ALG5: variants seen among roughly 807,000 people sequenced by gnomAD.
The protein encoded by ALG5 is ALG5 dolichyl-phosphate beta-glucosyltransferase.
ALG5 carries 26 observed loss-of-function variants against 51.8 expected under a neutral mutation model. The observed-to-expected ratio is 0.50, with a 90% confidence interval of 0.37 to 0.70. ALG5 has a LOEUF of 0.70. Among genes scored for constraint, ALG5 ranks in the 30% least tolerant of loss-of-function variants. ALG5 has a pLI of 0.00. For missense variants in ALG5, 311 were observed against 399.3 expected, an observed-to-expected ratio of 0.78 and a Z score of 1.88; for synonymous variants, 141 against 136.1, an observed-to-expected ratio of 1.04 and a Z score of -0.25.
At chr13:36,954,007 T>C (rs973265138) in intron 8 of ALG5, among the ~76,000 whole-genome samples, 1 of 151,898 alleles carries the variant, frequency 6.6e-6, no homozygotes, top group African/African-American at 2.4e-5. Flanking sequence ...ACTTATCAAA[T>C]ACACAAAACA....
intron 5 of ALG5, 40 bp downstream of exon 5, chr13:36,989,444 C>A (rs925559495): frequency 6.8e-7 from 1 of 1,476,024 alleles, no homozygotes; most frequent in Non-Finnish European, 9.4e-7. Flanking sequence ...ATTCAAGATA[C>A]CTTCATATTT....
chr13:36,975,081 T>A (rs972014592), intron 6 of ALG5, among the ~76,000 whole-genome samples: 1 of 152,126 alleles, frequency 6.6e-6, no homozygotes, highest in Non-Finnish European at 1.5e-5. Context: ...CGTGGTGGCA[T>A]GCGCCTGTAG....
intron 6 of ALG5, among the ~76,000 whole-genome samples, chr13:36,972,866 C>T (rs1384702828): frequency 6.6e-6 from 1 of 151,788 alleles, no homozygotes; most frequent in Non-Finnish European, 1.5e-5. Context: ...GTGGCGGGCG[C>T]CTGTAATCCC....
intron 6 of ALG5, among the ~76,000 whole-genome samples, chr13:36,982,361 G>A (rs1343825046): frequency 6.6e-6 from 1 of 152,166 alleles, no homozygotes; most frequent in South Asian, 2.1e-4. Flanking sequence ...AGTAGAGGCT[G>A]AAAGATCACT....
At chr13:36,959,924 G>A (rs2058858207) in intron 8 of ALG5, among the ~76,000 whole-genome samples, 1 of 151,854 alleles carries the variant, frequency 6.6e-6, no homozygotes, top group Non-Finnish European at 1.5e-5. Flanking sequence ...AAAGACATGA[G>A]CTGACTGAGA....
chr13:36,992,296 C>G (rs1447490889), intron 4 of ALG5, among the ~76,000 whole-genome samples: 1 of 152,160 alleles, frequency 6.6e-6, no homozygotes, highest in African/African-American at 2.4e-5. Context: ...AGTCAGAACT[C>G]TCGACTTCTG....
At chr13:36,983,792 C>CAA (rs138658549) in intron 6 of ALG5, among the ~76,000 whole-genome samples, 1 of 150,534 alleles carries the variant, frequency 6.6e-6, no homozygotes, top group African/African-American at 2.4e-5. Context: ...TAGAAAAAAA[C>CAA]AAAAAAAACA....
At chr13:36,961,367 T>C (rs2058866013) in intron 8 of ALG5, among the ~76,000 whole-genome samples, 1 of 152,260 alleles carries the variant, frequency 6.6e-6, no homozygotes, top group South Asian at 2.1e-4. Flanking sequence ...GTGAGCCATG[T>C]TCACTCCAGC....
At chr13:36,975,897 T>C (rs1319392651) in intron 6 of ALG5, among the ~76,000 whole-genome samples, 2 of 151,722 alleles carry the variant, frequency 1.3e-5, no homozygotes, top group East Asian at 1.9e-4. Context: ...AGCGTGCCCC[T>C]GTAGTCCCAG....
chr13:36,957,091 C>G (rs895861251), intron 8 of ALG5, among the ~76,000 whole-genome samples: 48 of 151,924 alleles, frequency 3.2e-4, no homozygotes, highest in African/African-American at 1.1e-3. Context: ...AGACCTTTCA[C>G]TTAGGCATTG....
chr13:36,966,444 T>A (rs987686259), intron 7 of ALG5, among the ~76,000 whole-genome samples: 1 of 152,242 alleles, frequency 6.6e-6, no homozygotes, highest in African/African-American at 2.4e-5. Context: ...ATAAGATTAT[T>A]ATCACTGGAT....
chr13:36,964,259 TA>T (rs1394974896), intron 8 of ALG5, among the ~76,000 whole-genome samples: 1 of 152,018 alleles, frequency 6.6e-6, no homozygotes, highest in African/African-American at 2.4e-5. Context: ...GGGGCCAGAC[TA>T]AAGACCATGG....
intron 6 of ALG5, among the ~76,000 whole-genome samples, chr13:36,979,399 T>A (rs886662163): frequency 4.6e-5 from 7 of 152,288 alleles, no homozygotes; most frequent in African/African-American, 1.7e-4. Context: ...TCTACCCATA[T>A]ATTGAGAGGG....
At position 36,954,424 on chromosome 13, in the gene ALG5, T is replaced by C. The variant is rs572116245; in HGVS notation, c.774-1825A>G. Among the ~76,000 whole-genome samples, 39 of 152,242 alleles carry C rather than the reference T, an allele frequency of 2.6e-4. 1 individual carries two copies. Among genetic ancestry groups the C allele is most frequent in the African/African-American group, 9.4e-4 (39 of 41,542 alleles). On this transcript the variant is annotated intron_variant, in intron 8 of 9. Coordinates refer to ENST00000239891, the MANE Select transcript of ALG5 (RefSeq NM_013338.5). Reference sequence around the variant, plus strand: ...ATCCCAGGTCTTGAACTCCTGGGCTTAAATGATCCGCCTGGCTTGACCTCC... The same window carrying C: ...ATCCCAGGTCTTGAACTCCTGGGCTCAAATGATCCGCCTGGCTTGACCTCC...
intron 8 of ALG5, among the ~76,000 whole-genome samples, chr13:36,957,982 C>T (rs1315943459): frequency 6.6e-6 from 1 of 152,092 alleles, no homozygotes; most frequent in South Asian, 2.1e-4. Flanking sequence ...GTCTTGGATA[C>T]ATCACACTTG....
At chr13:36,967,966 T>A (rs2058902944) in intron 7 of ALG5, 1 of 340,784 alleles carries the variant, frequency 2.9e-6, no homozygotes, top group African/African-American at 2.1e-5. Flanking sequence ...CTGGCTTGGA[T>A]GTTAATAACA....
chr13:36,985,713 T>A lies in ALG5; in HGVS notation c.475A>T (p.Ile159Phe). ...MGIFSSRGEKILMADADGATK... is the reference protein window; with the variant it reads ...MGIFSSRGEKFLMADADGATK... ...GCTCCATCAGCATCTGCCATAAGGATCTTTTCTCCTCGAGAACTGAATATA... is the reference window on the plus strand; with the variant it reads ...GCTCCATCAGCATCTGCCATAAGGAACTTTTCTCCTCGAGAACTGAATATA... Residue 159 changes from isoleucine to phenylalanine, a missense_variant, in exon 6 of 10, where the codon ATC becomes TTC. Coordinates refer to ENST00000239891, the MANE Select transcript of ALG5 (RefSeq NM_013338.5). 4 of 1,613,428 alleles carry A rather than the reference T, an allele frequency of 2.5e-6. No homozygotes were observed. The highest frequency in any genetic ancestry group is 3.4e-6 in the Non-Finnish European group (4 of 1,179,800).
chr13:36,985,064 C>T (rs2058996114), intron 6 of ALG5, among the ~76,000 whole-genome samples: 1 of 151,446 alleles, frequency 6.6e-6, no homozygotes, highest in Non-Finnish European at 1.5e-5. Context: ...TTCATTTTTT[C>T]CAGATTGGGA....
intron 7 of ALG5, chr13:36,968,193 G>A (rs2058904186): frequency 6.4e-6 from 1 of 157,342 alleles, no homozygotes; most frequent in African/African-American, 2.4e-5. Flanking sequence ...TTAGTTAAGT[G>A]AAGCTACTAA....
Sources: gnomAD v4.1 joint callset for allele counts (sites outside exome capture counted in the v4.1 genomes callset) on GRCh38, gnomAD v4.1.1 for gene constraint, MANE v1.5 for transcripts, NCBI Gene and HGNC (gene_info 2026-07-23, HGNC 2026-07-21) for gene names.